MAPK4: variants seen among roughly 807,000 people sequenced by gnomAD.
MAPK4 encodes Erk3-related.
In MAPK4, 22 loss-of-function variants were observed where a neutral mutation model predicts 47.7. The ratio of observed to expected loss-of-function variants is 0.46; its 90% CI spans 0.33 to 0.66. The LOEUF (loss-of-function observed/expected upper bound fraction) is 0.66. Among genes scored for constraint, MAPK4 ranks in the 30% least tolerant of loss-of-function variants. MAPK4 has a pLI of 0.02. For synonymous variants in MAPK4, 390 were observed against 365.7 expected, an observed-to-expected ratio of 1.07 and a Z score of -0.76; for missense variants, 736 against 831.7, an observed-to-expected ratio of 0.88 and a Z score of 1.42.
intron 2 of MAPK4, among the ~76,000 whole-genome samples, chr18:50,684,600 C>CG (rs1176448999): frequency 1.3e-5 from 2 of 151,738 alleles, no homozygotes; most frequent in African/African-American, 2.4e-5. Context: ...GCTCTGCCTT[C>CG]GGGGGGTGAG....
intron 1 of MAPK4, among the ~76,000 whole-genome samples, chr18:50,589,489 G>C (rs1299139424): frequency 1.3e-5 from 2 of 151,626 alleles, no homozygotes; most frequent in Non-Finnish European, 1.5e-5. Context: ...CCAGCTACTC[G>C]GGAGGCTGAG....
intron 1 of MAPK4, among the ~76,000 whole-genome samples, chr18:50,649,524 T>C (rs1598866063): frequency 6.6e-6 from 1 of 152,072 alleles, no homozygotes; most frequent in Non-Finnish European, 1.5e-5. Flanking sequence ...CCCTCCCGCC[T>C]ATGCTGACCT....
chr18:50,570,731 G>A (rs1356937227), intron 1 of MAPK4, among the ~76,000 whole-genome samples: 5 of 152,158 alleles, frequency 3.3e-5, no homozygotes, highest in African/African-American at 4.8e-5. Flanking sequence ...GCTCAACCAC[G>A]TGTTCTTGGA....
intron 1 of MAPK4, among the ~76,000 whole-genome samples, chr18:50,639,674 C>T (rs551411402): frequency 6.6e-6 from 1 of 152,292 alleles, no homozygotes; most frequent in Non-Finnish European, 1.5e-5. Context: ...TATCACTTAG[C>T]GCCACATCAT....
At chr18:50,684,363 C>T (rs546261205) in intron 2 of MAPK4, among the ~76,000 whole-genome samples, 7 of 152,006 alleles carry the variant, frequency 4.6e-5, no homozygotes, top group Admixed American at 6.6e-5. Context: ...GCAGAAACAT[C>T]GCAAGACCCC....
intron 2 of MAPK4, among the ~76,000 whole-genome samples, chr18:50,694,424 TG>T: frequency 6.6e-6 from 1 of 152,176 alleles, no homozygotes; most frequent in Non-Finnish European, 1.5e-5. Flanking sequence ...GAGAGACAAA[TG>T]GCAAACTCCC....
chr18:50,609,213 C>T (rs1380312732), intron 1 of MAPK4, among the ~76,000 whole-genome samples: 2 of 151,870 alleles, frequency 1.3e-5, no homozygotes, highest in East Asian at 1.9e-4. Context: ...CATCATGGCC[C>T]GTTCTCAATG....
chr18:50,580,323 G>A (rs2042332364), intron 1 of MAPK4, among the ~76,000 whole-genome samples: 1 of 152,206 alleles, frequency 6.6e-6, no homozygotes, highest in Non-Finnish European at 1.5e-5. Context: ...GTAGATGTGG[G>A]AATGGGCTGC....
intron 2 of MAPK4, among the ~76,000 whole-genome samples, chr18:50,701,230 G>T (rs1259564411): frequency 7.1e-6 from 1 of 141,802 alleles, no homozygotes; most frequent in Non-Finnish European, 1.5e-5. Context: ...GCTTACTCTG[G>T]TCAGGGCCAG....
chr18:50,562,769 C>T (rs137945930), intron 1 of MAPK4, among the ~76,000 whole-genome samples: 196 of 152,234 alleles, frequency 1.3e-3, no homozygotes, highest in African/African-American at 4.4e-3. Flanking sequence ...TAGTCTAAGA[C>T]GTAGTCTTTG....
chr18:50,574,806 T>G (rs1226980113), intron 1 of MAPK4, among the ~76,000 whole-genome samples: 1 of 152,238 alleles, frequency 6.6e-6, no homozygotes, highest in Non-Finnish European at 1.5e-5. Flanking sequence ...GTAGGAATCC[T>G]TGAGATGATA....
chr18:50,604,854 C>T (rs767526845), intron 1 of MAPK4, among the ~76,000 whole-genome samples: 23 of 152,224 alleles, frequency 1.5e-4, no homozygotes, highest in East Asian at 3.8e-4. Flanking sequence ...GGATGTGATC[C>T]GGTCTGGACT....
At chr18:50,708,620 C>T (rs1233428666) in intron 2 of MAPK4, among the ~76,000 whole-genome samples, 2 of 152,332 alleles carry the variant, frequency 1.3e-5, no homozygotes, top group Non-Finnish European at 2.9e-5. Flanking sequence ...ACCAGGAAGA[C>T]GGTTTTGGCA....
At chr18:50,589,169 T>C (rs988943601) in intron 1 of MAPK4, among the ~76,000 whole-genome samples, 1 of 152,294 alleles carries the variant, frequency 6.6e-6, no homozygotes, top group Admixed American at 6.5e-5. Context: ...TTGGGCTCCT[T>C]TCTGGGACTG....
At chr18:50,593,232 G>C (rs1308163363) in intron 1 of MAPK4, among the ~76,000 whole-genome samples, 1 of 152,032 alleles carries the variant, frequency 6.6e-6, no homozygotes, top group Non-Finnish European at 1.5e-5. Flanking sequence ...TTGGCCCCTT[G>C]CAATTTCTAC....
At chr18:50,583,604 A>G (rs1246217722) in intron 1 of MAPK4, among the ~76,000 whole-genome samples, 2 of 152,204 alleles carry the variant, frequency 1.3e-5, no homozygotes, top group South Asian at 2.1e-4. Flanking sequence ...AACAAAAAAC[A>G]GGAAACAAGG....
intron 2 of MAPK4, among the ~76,000 whole-genome samples, chr18:50,713,629 G>A (rs75474179): frequency 0.018 from 2,691 of 152,338 alleles, 77 homozygotes; most frequent in African/African-American, 0.059. Flanking sequence ...GTCCTTGGAG[G>A]GGTGGGGATG....
At chr18:50,682,551 C>T (rs987379045) in intron 2 of MAPK4, among the ~76,000 whole-genome samples, 13 of 152,010 alleles carry the variant, frequency 8.6e-5, no homozygotes, top group African/African-American at 3.1e-4. Context: ...AAAATTTTAG[C>T]AAATTGAAGC....
In MAPK4 at chr18:50,704,578, GAGAAGGGAGA is replaced by G. The variant is rs1909952871; in HGVS notation, c.547-10498_547-10489del. Reference sequence around the variant, plus strand: ...TGTGGGTCACATTCCAGAGCCTTCTGAGAAGGGAGAAGTCAGGGAAGTTCCTTTTGTTCTT... The same window carrying G: ...TGTGGGTCACATTCCAGAGCCTTCTGAGTCAGGGAAGTTCCTTTTGTTCTT... On this transcript the variant is annotated intron_variant, in intron 2 of 5. Transcript: ENST00000400384. 1.5e-5 allele frequency: 6 copies of G among 398,652 alleles called. No individual in the cohort carries two copies. The South Asian group carries it at 6.4e-4, about 42-fold the overall frequency. 24.7% of individuals were successfully genotyped at this position (398,652 alleles called of 1,614,324 possible). A position where few individuals can be genotyped will look rare whatever the true frequency, so the allele number is the denominator to read the frequency against.
Sources: allele counts gnomAD v4.1 joint callset (sites outside exome capture counted in the v4.1 genomes callset), GRCh38; gene constraint gnomAD v4.1.1; transcripts MANE v1.5; gene names NCBI Gene and HGNC (gene_info 2026-07-23, HGNC 2026-07-21).